Variants in CCDC146 observed in about 807,000 individuals in gnomAD.
CCDC146 encodes the protein coiled-coil domain containing 146.
Under a neutral mutation model 119.3 loss-of-function variants are expected in CCDC146, and 92 were observed. The ratio of observed to expected loss-of-function variants is 0.77; its 90% CI spans 0.65 to 0.92. The LOEUF (loss-of-function observed/expected upper bound fraction) is 0.92. Ranked by LOEUF, CCDC146 falls within the 40% of genes least tolerant of loss-of-function variation. CCDC146 has a pLI of 0.00. For missense variants in CCDC146, 1,000 were observed against 1,103.0 expected (o/e 0.91, Z 1.32); for synonymous variants, 372 against 371.8 (o/e 1.00, Z -0.01).
intron 2 of CCDC146, chr7:77,198,442 G>C (rs1791917139): frequency 3.5e-6 from 1 of 282,520 alleles, no homozygotes; most frequent in African/African-American, 2.3e-5. Flanking sequence ...TTCGTGGGTG[G>C]AGTAGGCGAT....
At chr7:77,280,705 A>T in intron 14 of CCDC146, 52 bp downstream of exon 14, 1 of 1,257,680 alleles carries the variant, frequency 8.0e-7, no homozygotes, top group Non-Finnish European at 1.1e-6. Context: ...GAGGAATGTC[A>T]CCTCTTTTTC....
rs758222955 is a variant in CCDC146, at chr7:77,199,685, C to T, written c.156+31861C>T. On this transcript the variant is annotated intron_variant, in intron 2 of 18. Transcript: ENST00000285871. Reference sequence around the variant, plus strand: ...CTTTCTAGTCTCACTGGGCAGACATCCTTTGCTCTTTCATCTTTAATTTCC... The same window carrying T: ...CTTTCTAGTCTCACTGGGCAGACATTCTTTGCTCTTTCATCTTTAATTTCC... 14 of 1,614,040 alleles carry T rather than the reference C, an allele frequency of 8.7e-6. No individual in the cohort carries two copies. In the African/African-American group the frequency reaches 1.5e-4, roughly 17 times the overall value.
chr7:77,137,046 C>T (rs979695897), intron 1 of CCDC146, among the ~76,000 whole-genome samples: 17 of 152,102 alleles, frequency 1.1e-4, no homozygotes, highest in Non-Finnish European at 4.4e-5. Context: ...TGACAAAATG[C>T]AAAGCCCATT....
chr7:77,261,489 G>C lies in CCDC146; in HGVS notation c.987-632G>C, dbSNP rs189001671. Among the ~76,000 whole-genome samples, 181 of 151,940 alleles carry C rather than the reference G, an allele frequency of 1.2e-3. 1 individual carries two copies. The highest frequency in any genetic ancestry group is 4.1e-3 in the African/African-American group (168 of 41,434). On this transcript the variant is annotated intron_variant, in intron 8 of 18. Coordinates refer to ENST00000285871, the MANE Select transcript of CCDC146 (RefSeq NM_020879.3). ...TTTTATTTTTTATTTTTTATTTTTTGAGACGGAGTCTCGCTCTGTCGCCCA... is the reference window on the plus strand; with the variant it reads ...TTTTATTTTTTATTTTTTATTTTTTCAGACGGAGTCTCGCTCTGTCGCCCA...
rs761874493 is a variant in CCDC146 at position 77,258,981 on chromosome 7, C to T, written c.685-14C>T. The T allele has an allele frequency of 1.9e-5, 31 of 1,590,334 alleles. No homozygotes were observed. Among genetic ancestry groups the T allele is most frequent in the Non-Finnish European group, 2.4e-5 (28 of 1,160,594 alleles). On this transcript the variant is annotated splice_polypyrimidine_tract_variant and intron_variant, in intron 6 of 18. Coordinates refer to ENST00000285871, the MANE Select transcript of CCDC146 (RefSeq NM_020879.3). ...AAGACCGCATAATTTAACATGATTTCGTTTCTTTACTAGGATGAAGTGGCC... is the reference window on the plus strand; with the variant it reads ...AAGACCGCATAATTTAACATGATTTTGTTTCTTTACTAGGATGAAGTGGCC...
Position 77,235,901 on chromosome 7 carries a change from C to G in CCDC146, c.157-1046C>G, listed in dbSNP as rs150771704. 2.2e-3 allele frequency among the ~76,000 whole-genome samples: 333 copies of G among 152,124 alleles called. 1 individual carries two copies. Among genetic ancestry groups the G allele is most frequent in the African/African-American group, 7.2e-3 (298 of 41,520 alleles). ...CCTGGCTAACATGGTGAACCCCCAT[C>G]CCTACTAAAAATACAAAAAATTAGC... On this transcript the variant is annotated intron_variant, in intron 2 of 18. Transcript: ENST00000285871.
chr7:77,283,816 T>C (rs563531568), intron 15 of CCDC146, among the ~76,000 whole-genome samples: 2 of 152,318 alleles, frequency 1.3e-5, no homozygotes, highest in Non-Finnish European at 2.9e-5. Context: ...TTTTATGCCA[T>C]TTGAATGTGT....
At chr7:77,127,323 C>G (rs1790703258) in intron 1 of CCDC146, among the ~76,000 whole-genome samples, 1 of 152,078 alleles carries the variant, frequency 6.6e-6, no homozygotes, top group Admixed American at 6.5e-5. Context: ...CAGGGAGGCT[C>G]AGATCTACAG....
intron 1 of CCDC146, among the ~76,000 whole-genome samples, chr7:77,166,163 C>T (rs1423432351): frequency 6.6e-6 from 1 of 152,138 alleles, no homozygotes; most frequent in Non-Finnish European, 1.5e-5. Flanking sequence ...CCAGAAGTTA[C>T]AGGAATTGTC....
At chr7:77,248,221 G>C (rs1220913648) in intron 4 of CCDC146, among the ~76,000 whole-genome samples, 3 of 151,962 alleles carry the variant, frequency 2.0e-5, no homozygotes, top group Non-Finnish European at 4.4e-5. Flanking sequence ...GCTAAGTAAT[G>C]TGTACACGTG....
chr7:77,247,440 G>A (rs1386245359), intron 4 of CCDC146, among the ~76,000 whole-genome samples: 1 of 152,088 alleles, frequency 6.6e-6, no homozygotes, highest in Non-Finnish European at 1.5e-5. Flanking sequence ...TCAATACCTG[G>A]GAAGTAAAAT....
intron 2 of CCDC146, among the ~76,000 whole-genome samples, chr7:77,220,607 A>T (rs4427100): frequency 0.93 from 141,880 of 152,256 alleles, 66,285 homozygotes; most frequent in African/African-American, 0.98. Flanking sequence ...TCCCTCTGTT[A>T]GGGGTCCCTG....
chr7:77,187,588 GGTGTCCTCATGGTCAC>G (rs1263691481), intron 2 of CCDC146, among the ~76,000 whole-genome samples: 8 of 152,132 alleles, frequency 5.3e-5, no homozygotes, highest in Non-Finnish European at 8.8e-5. Context: ...CATAGGTTAT[GGTGTCCTCATGGTCAC>G]ACATTTCTTT....
Position 77,138,342 on chromosome 7 carries a change from A to C in CCDC146, c.-12+15610A>C, listed in dbSNP as rs182693157. 2.6e-4 allele frequency among the ~76,000 whole-genome samples: 39 copies of C among 151,386 alleles called. No individual in the cohort carries two copies. The East Asian group carries it at 7.3e-3, about 28-fold the overall frequency. On this transcript the variant is annotated intron_variant, in intron 1 of 18. Transcript: ENST00000285871. The stretch of plus-strand genomic sequence containing the variant: ...GAACTGGACATGTACATGCAAAAAA[A>C]AATGAATCTAAACACAGTTCTTCCA...
Position 77,256,377 on chromosome 7 carries a change from A to G in CCDC146, c.552A>G (p.Glu184=). Residue 184 remains glutamate (E), a synonymous_variant, in exon 6 of 19, where the codon GAA becomes GAG. Transcript: ENST00000285871. ...KMKILRESTE[E]LRKEIMQKKL... is the part of the protein sequence containing the mutation. ...AAATATTGAGAGAAAGCACTGAAGA[A>G]TTACGTAAAGAAATAATGCAGAAGA... 1.2e-6 allele frequency: 2 copies of G among 1,602,164 alleles called. No homozygotes were observed. Among genetic ancestry groups the G allele is most frequent in the Non-Finnish European group, 1.7e-6 (2 of 1,175,910 alleles).
chr7:77,223,283 T>C (rs2150464897), intron 2 of CCDC146, among the ~76,000 whole-genome samples: 1 of 152,372 alleles, frequency 6.6e-6, no homozygotes, highest in Non-Finnish European at 1.5e-5. Context: ...TGGATGTGTT[T>C]AGGCATGATT....
chr7:77,203,059 G>C (rs1187063699), intron 2 of CCDC146, among the ~76,000 whole-genome samples: 1 of 134,886 alleles, frequency 7.4e-6, no homozygotes. Context: ...ACTATTTTAG[G>C]AATGAATCTT....
intron 2 of CCDC146, among the ~76,000 whole-genome samples, chr7:77,190,500 G>T (rs1226500582): frequency 2.0e-5 from 3 of 152,172 alleles, no homozygotes; most frequent in Admixed American, 6.5e-5. Flanking sequence ...TGGGATGAAG[G>T]AGCCTAAGGA....
chr7:77,232,688 C>T (rs1792653956), intron 2 of CCDC146, among the ~76,000 whole-genome samples: 1 of 152,280 alleles, frequency 6.6e-6, no homozygotes, highest in East Asian at 1.9e-4. Context: ...GTTTTGTTTG[C>T]CCTGCCCAGG....
Sources: gnomAD v4.1 joint callset for allele counts (sites outside exome capture counted in the v4.1 genomes callset) on GRCh38, gnomAD v4.1.1 for gene constraint, MANE v1.5 for transcripts, NCBI Gene and HGNC (gene_info 2026-07-23, HGNC 2026-07-21) for gene names.